The following TENM1 variants were observed in gnomAD, a reference collection of about 807,000 sequenced individuals.
The protein encoded by TENM1 is teneurin-1.
A neutral mutation model predicts 174.8 loss-of-function variants in TENM1; 35 were observed. The ratio of observed to expected loss-of-function variants is 0.20; its 90% CI spans 0.15 to 0.27. The LOEUF is 0.27. Among genes scored for constraint, TENM1 ranks in the 10% least tolerant of loss-of-function variants. TENM1 has a pLI of 1.00. For missense variants in TENM1, 1,633 were observed against 2,130.1 expected (o/e 0.77, Z 4.59); for synonymous variants, 781 against 798.7 (o/e 0.98, Z 0.37).
chrX:124,754,560 G>C lies in TENM1; in HGVS notation c.536-17363C>G, dbSNP rs748435587. Among the ~76,000 whole-genome samples, 174 of 111,053 alleles carry C rather than the reference G, an allele frequency of 1.6e-3. 1 individual carries two copies. The highest frequency in any genetic ancestry group is 3.9e-3 in the African/African-American group (118 of 30,501). On this transcript the variant is annotated intron_variant, in intron 3 of 31. Transcript: ENST00000422452. ...GAATGTGTTTGCTCTTGCTTTTCTAGTTCTTTTAATTGTGATGTTAGGGTG... is the reference window on the plus strand; with the variant it reads ...GAATGTGTTTGCTCTTGCTTTTCTACTTCTTTTAATTGTGATGTTAGGGTG...
chrX:124,877,687 T>G (rs901461728), intron 3 of TENM1, among the ~76,000 whole-genome samples: 3 of 111,171 alleles, frequency 2.7e-5, no homozygotes, highest in Non-Finnish European at 5.7e-5. Flanking sequence ...ACTGATTTAT[T>G]TATAGGTTTA....
At chrX:124,910,373 T>G in intron 1 of TENM1, among the ~76,000 whole-genome samples, 1 of 112,247 alleles carries the variant, frequency 8.9e-6, no homozygotes, top group East Asian at 2.8e-4. Context: ...TATACATGAA[T>G]GCATGTTCCT....
chrX:125,016,787 G>A, the TENM1 span, among the ~76,000 whole-genome samples: 2,270 of 111,454 alleles, frequency 0.02, 72 homozygotes, highest in African/African-American at 0.07. Context: ...TAAAGCTGGA[G>A]GCATCACATT....
intron 5 of TENM1, among the ~76,000 whole-genome samples, chrX:124,678,184 C>G (rs774429602): frequency 2.0e-3 from 227 of 110,750 alleles, no homozygotes; most frequent in Non-Finnish European, 3.6e-3. Context: ...GCAGATCAGG[C>G]TTTTTGGGCC....
chrX:124,891,393 A>T (rs2057473064), intron 3 of TENM1, among the ~76,000 whole-genome samples: 4 of 111,390 alleles, frequency 3.6e-5, no homozygotes, highest in Admixed American at 2.9e-4. Context: ...GTATCAAAAC[A>T]TCACATGTTG....
the TENM1 span, among the ~76,000 whole-genome samples, chrX:125,042,262 C>T: frequency 5.4e-5 from 6 of 111,534 alleles, no homozygotes; most frequent in Admixed American, 9.5e-5. Context: ...AGCTGAGTTA[C>T]TTCTAGAGGT....
chrX:125,008,484 A>G, the TENM1 span, among the ~76,000 whole-genome samples: 4,443 of 111,743 alleles, frequency 0.04, 111 homozygotes, highest in African/African-American at 0.098. Context: ...CAAGACAGAA[A>G]ATTAACAAGG....
the TENM1 span, among the ~76,000 whole-genome samples, chrX:125,087,278 T>A: frequency 5.0e-4 from 56 of 111,087 alleles, no homozygotes; most frequent in African/African-American, 1.7e-3. Flanking sequence ...AAAAAGTGAA[T>A]ATTATCAATA....
the TENM1 span, among the ~76,000 whole-genome samples, chrX:125,185,962 A>G: frequency 4.5e-5 from 5 of 111,738 alleles, no homozygotes; most frequent in Non-Finnish European, 7.5e-5. Context: ...ATAGAAGAGT[A>G]TACCTGGAGG....
chrX:125,160,470 G>C, the TENM1 span, among the ~76,000 whole-genome samples: 1 of 103,168 alleles, frequency 9.7e-6, no homozygotes, highest in Non-Finnish European at 2.0e-5. Flanking sequence ...GCTTGAACCC[G>C]GTAGGCGGAG....
intron 1 of TENM1, among the ~76,000 whole-genome samples, chrX:124,911,961 C>CCTAA (rs1158354710): frequency 8.9e-6 from 1 of 111,788 alleles, no homozygotes; most frequent in African/African-American, 3.3e-5. Context: ...TTATTAACCA[C>CCTAA]CTAACGTAGC....
At chrX:125,080,116 C>T in the TENM1 span, among the ~76,000 whole-genome samples, 2 of 111,153 alleles carry the variant, frequency 1.8e-5, no homozygotes, top group African/African-American at 3.3e-5. Flanking sequence ...ATCAGCATCA[C>T]CTGGAAGCTT....
chrX:124,853,950 T>C (rs1485977277), intron 3 of TENM1, among the ~76,000 whole-genome samples: 1 of 110,524 alleles, frequency 9.0e-6, no homozygotes, highest in East Asian at 2.9e-4. Context: ...ACGGTTGAAA[T>C]AGGGTAAGAG....
rs185640733 is a variant in TENM1 at position 124,715,715 on chromosome X, C to T, written c.777-10464G>A. Among the ~76,000 whole-genome samples the T allele has an allele frequency of 1.1e-4, 12 of 108,017 alleles. No homozygotes were observed. The East Asian group carries it at 3.5e-3, about 31-fold the overall frequency. 93.8% of individuals were successfully genotyped at this position (108,017 alleles called of 115,157 possible). Reference sequence around the variant, plus strand: ...TTGTTGCCCAGGCTCGGTGCAAAGGCGTGATCTCGGCTCACTGCAACCTCC... The same window carrying T: ...TTGTTGCCCAGGCTCGGTGCAAAGGTGTGATCTCGGCTCACTGCAACCTCC... On this transcript the variant is annotated intron_variant, in intron 4 of 31. Coordinates refer to ENST00000422452, the Ensembl canonical transcript of TENM1.
At chrX:124,436,637 G>A (rs1045944692) in intron 23 of TENM1, among the ~76,000 whole-genome samples, 1 of 109,873 alleles carries the variant, frequency 9.1e-6, no homozygotes, top group Non-Finnish European at 1.9e-5. Context: ...GGGACTACAG[G>A]CACCCGCCAC....
the TENM1 span, among the ~76,000 whole-genome samples, chrX:125,074,616 T>C: frequency 8.1e-3 from 900 of 111,218 alleles, 6 homozygotes; most frequent in African/African-American, 0.027. Context: ...TACCCACTCA[T>C]CAATGGTACA....
the TENM1 span, among the ~76,000 whole-genome samples, chrX:125,037,677 T>C: frequency 1.8e-5 from 2 of 111,842 alleles, no homozygotes; most frequent in Non-Finnish European, 1.9e-5. Context: ...TGTGTCCCAC[T>C]AGGTAAATCC....
At chrX:124,458,663 G>C (rs1450634288) in intron 22 of TENM1, among the ~76,000 whole-genome samples, 2 of 112,054 alleles carry the variant, frequency 1.8e-5, no homozygotes, top group African/African-American at 6.5e-5. Flanking sequence ...TACTCAAAAG[G>C]CACTTCAAAG....
At chrX:124,396,888 G>GTATC (rs2060341392) in intron 27 of TENM1, among the ~76,000 whole-genome samples, 1 of 112,183 alleles carries the variant, frequency 8.9e-6, no homozygotes. Context: ...GTTAAAAAGG[G>GTATC]TATCTTTGGA....
Sources: gnomAD v4.1 joint callset for allele counts (sites outside exome capture counted in the v4.1 genomes callset) on GRCh38, gnomAD v4.1.1 for gene constraint, MANE v1.5 for transcripts, NCBI Gene and HGNC (gene_info 2026-07-23, HGNC 2026-07-21) for gene names.